The following ZFHX3 variants were observed in gnomAD, a reference collection of about 807,000 sequenced individuals.
ZFHX3 encodes zinc finger homeobox protein 3.
ZFHX3 carries 42 observed loss-of-function variants against 279.1 expected under a neutral mutation model. The ratio of observed to expected loss-of-function variants is 0.15; its 90% CI spans 0.12 to 0.19. The LOEUF (loss-of-function observed/expected upper bound fraction) is 0.19, where lower values mean the gene tolerates loss of function less well. Ranked by LOEUF, ZFHX3 falls within the 10% of genes least tolerant of loss-of-function variation. The probability of loss-of-function intolerance (pLI) is 1.00; values close to 1 mark genes in which losing one functional copy is unlikely to be tolerated. For missense variants in ZFHX3, 4,981 were observed against 4,754.0 expected, an observed-to-expected ratio of 1.05 and a Z score of -1.40; for synonymous variants, 2,293 against 1,957.8, an observed-to-expected ratio of 1.17 and a Z score of -4.52.
rs191352334 is a variant in ZFHX3, at chr16:73,815,198, T to C, written c.-1608+76453A>G. Among the ~76,000 whole-genome samples, 19 of 152,322 alleles carry C rather than the reference T, an allele frequency of 1.2e-4. No individual in the cohort carries two copies. In the East Asian group the frequency reaches 3.5e-3, roughly 28 times the overall value. On this transcript the variant is annotated intron_variant, in intron 1 of 17. Transcript: ENST00000641206. Reference sequence around the variant, plus strand: ...TATTGTTATTATTCAGAATATCTCATCCAGTTTGACTTATTTCTGCAGTGA... The same window carrying C: ...TATTGTTATTATTCAGAATATCTCACCCAGTTTGACTTATTTCTGCAGTGA...
chr16:73,123,681 C>A (rs905201842), intron 7 of ZFHX3: 1 of 152,008 alleles, frequency 6.6e-6, no homozygotes, highest in African/African-American at 2.4e-5. Flanking sequence ...GTGCTATGGT[C>A]TCAATGTTTG....
intron 7 of ZFHX3, among the ~76,000 whole-genome samples, chr16:73,106,141 T>C (rs1597158710): frequency 6.6e-6 from 1 of 152,206 alleles, no homozygotes; most frequent in East Asian, 1.9e-4. Context: ...ACTTTTCTCA[T>C]GATATTCCAA....
intron 2 of ZFHX3, among the ~76,000 whole-genome samples, chr16:73,613,379 A>C (rs1298751613): frequency 6.6e-6 from 1 of 151,920 alleles, no homozygotes; most frequent in Non-Finnish European, 1.5e-5. Flanking sequence ...AGCAAAAAAT[A>C]TTGACTCATT....
At chr16:72,859,747 C>T (rs1047769829) in intron 4 of ZFHX3, among the ~76,000 whole-genome samples, 2 of 152,080 alleles carry the variant, frequency 1.3e-5, no homozygotes, top group Non-Finnish European at 2.9e-5. Flanking sequence ...GGGGAGAATG[C>T]GGCAGGACAT....
At chr16:73,700,220 G>A (rs1427526999) in intron 1 of ZFHX3, among the ~76,000 whole-genome samples, 1 of 151,830 alleles carries the variant, frequency 6.6e-6, no homozygotes. Context: ...GGGAGACTCT[G>A]TCTCAAAAAA....
chr16:73,036,731 T>C (rs923654608), intron 1 of ZFHX3, among the ~76,000 whole-genome samples: 9 of 152,110 alleles, frequency 5.9e-5, no homozygotes, highest in Non-Finnish European at 1.0e-4. Flanking sequence ...AAACCAACTT[T>C]TCTCCTTGGG....
intron 4 of ZFHX3, among the ~76,000 whole-genome samples, chr16:73,306,164 A>AGT (rs1377740462): frequency 6.6e-6 from 1 of 152,140 alleles, no homozygotes; most frequent in Non-Finnish European, 1.5e-5. Context: ...CCTGCCCTAG[A>AGT]GTGTATATGT....
intron 1 of ZFHX3, among the ~76,000 whole-genome samples, chr16:73,839,774 C>A (rs189265520): frequency 6.6e-6 from 1 of 152,220 alleles, no homozygotes. Context: ...CCTAAGGGGA[C>A]GTGCTGCTGC....
chr16:73,083,040 A>AAG (rs1041158200), intron 8 of ZFHX3, among the ~76,000 whole-genome samples: 1 of 73,030 alleles, frequency 1.4e-5, no homozygotes, highest in African/African-American at 3.5e-5. Context: ...AAAAAAAAAA[A>AAG]AAAAATACAA....
intron 4 of ZFHX3, among the ~76,000 whole-genome samples, chr16:73,270,797 A>G (rs1331646615): frequency 6.6e-6 from 1 of 152,168 alleles, no homozygotes; most frequent in East Asian, 1.9e-4. Context: ...TCAAGCTTCA[A>G]GGCCTCAATT....
chr16:73,313,507 T>C (rs1222685337), intron 4 of ZFHX3, among the ~76,000 whole-genome samples: 1 of 152,192 alleles, frequency 6.6e-6, no homozygotes, highest in Non-Finnish European at 1.5e-5. Flanking sequence ...GTCTCTCTTA[T>C]TGTCCCTATT....
chr16:73,075,790 T>C (rs1013570013), intron 8 of ZFHX3, among the ~76,000 whole-genome samples: 1 of 152,032 alleles, frequency 6.6e-6, no homozygotes, highest in African/African-American at 2.4e-5. Context: ...CATGCCACTA[T>C]GCCTGGCTAA....
At chr16:72,989,590 T>TC (rs1454291401) in intron 1 of ZFHX3, among the ~76,000 whole-genome samples, 1 of 151,904 alleles carries the variant, frequency 6.6e-6, no homozygotes, top group African/African-American at 2.4e-5. Context: ...AAGTCAACAA[T>TC]CCTTCAGTTG....
At chr16:73,071,710 C>G (rs951968948) in intron 8 of ZFHX3, among the ~76,000 whole-genome samples, 1 of 152,150 alleles carries the variant, frequency 6.6e-6, no homozygotes, top group Admixed American at 6.5e-5. Flanking sequence ...TCTTGGTGCA[C>G]GTGGGCACAG....
At chr16:73,591,251 G>T (rs2051992125) in intron 2 of ZFHX3, among the ~76,000 whole-genome samples, 1 of 152,038 alleles carries the variant, frequency 6.6e-6, no homozygotes. Context: ...TACTCAGGAG[G>T]CTGAGGCAGG....
At chr16:73,735,828 G>C (rs545116928) in intron 1 of ZFHX3, among the ~76,000 whole-genome samples, 2 of 151,756 alleles carry the variant, frequency 1.3e-5, no homozygotes, top group Admixed American at 6.6e-5. Context: ...TTTTGAATTA[G>C]TGTTGCCCAT....
At chr16:73,094,051 T>C (rs1966125888) in intron 7 of ZFHX3, among the ~76,000 whole-genome samples, 2 of 152,058 alleles carry the variant, frequency 1.3e-5, no homozygotes, top group African/African-American at 4.8e-5. Context: ...AGTTGTGGGG[T>C]TGAGTGTGGA....
chr16:73,858,991 G>A lies in ZFHX3; in HGVS notation c.-1608+32660C>T, dbSNP rs1482366262. On this transcript the variant is annotated intron_variant, in intron 1 of 17. Coordinates refer to the ZFHX3 transcript ENST00000641206. ...TTTGTGCAAGCCTAATTTATCTATTGGAAAAACAAAACAAAGCAATACCTA... is the reference window on the plus strand; with the variant it reads ...TTTGTGCAAGCCTAATTTATCTATTAGAAAAACAAAACAAAGCAATACCTA... Among the ~76,000 whole-genome samples the A allele has an allele frequency of 3.3e-5, 5 of 152,110 alleles. No homozygotes were observed. In the East Asian group the frequency reaches 7.7e-4, roughly 24 times the overall value.
exon 8 of ZFHX3, chr16:73,093,444 A>G: frequency 2.0e-6 from 1 of 491,786 alleles, no homozygotes; most frequent in Non-Finnish European, 4.1e-6. Context: ...CCTTTCGCTC[A>G]GCTCTTTTGG....
Sources: allele counts gnomAD v4.1 joint callset (sites outside exome capture counted in the v4.1 genomes callset), GRCh38; gene constraint gnomAD v4.1.1; transcripts MANE v1.5; gene names NCBI Gene and HGNC (gene_info 2026-07-23, HGNC 2026-07-21).